The following PRKD2 variants were observed in gnomAD, a reference collection of about 807,000 sequenced individuals.
PRKD2 encodes the protein serine/threonine-protein kinase D2.
In PRKD2, 22 loss-of-function variants were observed where a neutral mutation model predicts 86.0. That is an observed-to-expected ratio of 0.26 (90% CI 0.18 to 0.37). The LOEUF is 0.37. Ranked by LOEUF, PRKD2 falls within the 10% of genes least tolerant of loss-of-function variation. PRKD2 has a pLI of 1.00. For synonymous variants in PRKD2, 509 were observed against 510.9 expected, an observed-to-expected ratio of 1.00 and a Z score of 0.05; for missense variants, 818 against 1,199.2, an observed-to-expected ratio of 0.68 and a Z score of 4.70.
At chr19:46,685,733 G>A (rs1018345015) in intron 14 of PRKD2, 3 of 152,234 alleles carry the variant, frequency 2.0e-5, no homozygotes, top group Non-Finnish European at 2.9e-5. Context: ...CAGATGACTT[G>A]AGGTCAGGAG....
intron 1 of PRKD2, among the ~76,000 whole-genome samples, chr19:46,715,564 A>C (rs1000923606): frequency 1.3e-5 from 2 of 152,148 alleles, no homozygotes; most frequent in African/African-American, 2.4e-5. Flanking sequence ...CAAAATTAAG[A>C]GTAGGCTAAC....
At chr19:46,712,626 G>T (rs893690489) in intron 2 of PRKD2, among the ~76,000 whole-genome samples, 2 of 152,232 alleles carry the variant, frequency 1.3e-5, no homozygotes, top group African/African-American at 4.8e-5. Context: ...AAATTCAAGT[G>T]AGGCCAGCTT....
chr19:46,716,150 C>G lies in PRKD2; in HGVS notation c.221G>C (p.Cys74Ser). The G allele has an allele frequency of 6.2e-7, 1 of 1,611,282 alleles. No individual in the cohort carries two copies. The highest frequency in any genetic ancestry group is 1.1e-5 in the South Asian group (1 of 91,070). Residue 74 changes from cysteine (C) to serine (S), a missense_variant, in exon 1 of 18, where the codon TGT (cysteine) becomes TCT (serine). This residue lies in a region of PRKD2 where 403 missense variants were observed against 518.6 expected (regional missense o/e 0.78). Coordinates refer to ENST00000291281, the MANE Select transcript of PRKD2 (RefSeq NM_016457.5). The surrounding 1 kb of genome is among the most constrained non-coding windows in gnomAD (Gnocchi z 7.9). ...CCTCACCTTCTGGTCCACGATGGAA[C>G]AGGCCAGCTGCTTCACATGAGCCAG... Reference protein sequence around the residue: ...SELAHVKQLACSIVDQKFPEC... With the variant: ...SELAHVKQLASSIVDQKFPEC...
At chr19:46,681,859 A>G (rs941734440) in intron 14 of PRKD2, 111 bp from the exon 15 acceptor site, 14 of 568,800 alleles carry the variant, frequency 2.5e-5, no homozygotes, top group Admixed American at 5.9e-5. Context: ...TTTTTTTTTG[A>G]GACAGAGTCT....
intron 9 of PRKD2, among the ~76,000 whole-genome samples, 156 bp downstream of exon 9, chr19:46,697,001 G>C (rs2122703224): frequency 6.6e-6 from 1 of 152,160 alleles, no homozygotes; most frequent in African/African-American, 2.4e-5. Flanking sequence ...AATCGGATGG[G>C]CAGCACTTGC....
At position 46,674,372 on chromosome 19, in the gene PRKD2, A is replaced by G; in HGVS notation, c.*151T>C. Reference sequence around the variant, plus strand: ...AGTCCGTTTTAATTGCTGGGGAAACAGGGAGGGGCCTTGGAAATAGCTCCC... The same window carrying G: ...AGTCCGTTTTAATTGCTGGGGAAACGGGGAGGGGCCTTGGAAATAGCTCCC... On this transcript the variant is annotated 3_prime_UTR_variant, in exon 18 of 18. Coordinates refer to ENST00000291281, the MANE Select transcript of PRKD2 (RefSeq NM_016457.5). 2.6e-6 allele frequency: 2 copies of G among 776,996 alleles called. No homozygotes were observed. 48.1% of individuals were successfully genotyped at this position (776,996 alleles called of 1,614,324 possible).
chr19:46,698,583 G>A (rs1195135463), intron 7 of PRKD2, among the ~76,000 whole-genome samples: 2 of 152,218 alleles, frequency 1.3e-5, no homozygotes, highest in African/African-American at 2.4e-5. Flanking sequence ...TGTGACACTG[G>A]GTAAGTGATT....
rs1411343007 is a variant in PRKD2, at chr19:46,713,993, C to A, written c.249G>T (p.Glu83Asp). 6.2e-7 allele frequency: 1 copy of A among 1,613,532 alleles called. No individual in the cohort carries two copies. The highest frequency in any genetic ancestry group is 2.2e-5 in the East Asian group (1 of 44,880). The change falls in exon 2 of 18, where the codon GAG becomes GAT. Residue 83 changes from glutamate to aspartate, a missense_variant. Physicochemically the swap from Glu to Asp is conservative, Grantham distance 45. Around this residue, in one of 5 missense-constraint regions of PRKD2, gnomAD observed 403 missense variants for 518.6 expected, o/e 0.78. Transcript: ENST00000291281. ...TGTCGTAAAGGCCGTAGAAGCCACA[C>A]TCAGGGAACTGAGGGGCGGGAGAGG... is the stretch of plus-strand genomic sequence containing the variant. ...ACSIVDQKFPECGFYGLYDKI... is the reference protein window; with the variant it reads ...ACSIVDQKFPDCGFYGLYDKI...
In PRKD2 at chr19:46,698,002, G is replaced by C; in HGVS notation, c.1122-152C>G. The C allele has an allele frequency of 4.6e-6, 3 of 650,796 alleles. No homozygotes were observed. In the South Asian group the frequency reaches 5.5e-5, roughly 12 times the overall value. 40.3% of individuals were successfully genotyped at this position (650,796 alleles called of 1,614,324 possible). On this transcript the variant is annotated intron_variant, in intron 7 of 17. Transcript: ENST00000291281. ...CATTTTCCCCCCAACACACACCCGG[G>C]AGTTGCTTTTTGTTTGTTTTTAAGA...
intron 3 of PRKD2, among the ~76,000 whole-genome samples, chr19:46,710,122 C>G: frequency 6.6e-6 from 1 of 152,092 alleles, no homozygotes; most frequent in Non-Finnish European, 1.5e-5. Flanking sequence ...GGGTCTCAAT[C>G]TCCTGACCTC....
chr19:46,679,261 C>T (rs1393981100), intron 15 of PRKD2, among the ~76,000 whole-genome samples: 1 of 152,044 alleles, frequency 6.6e-6, no homozygotes, highest in Non-Finnish European at 1.5e-5. Context: ...ACCTGGGAGG[C>T]AGAGGTTGCA....
rs75185364 is a variant in PRKD2, at chr19:46,689,684, G to A, written c.1824C>T (p.Pro608=). The A allele has an allele frequency of 2.1e-5, 34 of 1,613,930 alleles. No homozygotes were observed. Among genetic ancestry groups the A allele is most frequent in the South Asian group, 5.5e-5 (5 of 91,084 alleles). Residue 608 remains proline (P), a synonymous_variant, in exon 14 of 18, where the codon CCC becomes CCT. Coordinates refer to ENST00000291281, the MANE Select transcript of PRKD2 (RefSeq NM_016457.5). ...ACATGCACTCCAGGTTCACGATCCC[G>A]GGATGCCGCAGGCTCTGCAGGGTGG... is the stretch of plus-strand genomic sequence containing the variant. ...EVAILQSLRH[P]GIVNLECMFE...
At chr19:46,677,934 C>T (rs2053235059) in intron 16 of PRKD2, among the ~76,000 whole-genome samples, 1 of 152,294 alleles carries the variant, frequency 6.6e-6, no homozygotes. Context: ...GTAGCCATGC[C>T]CTTGTTTCTC....
Position 46,700,861 on chromosome 19 carries a change from G to A in PRKD2, c.1059C>T (p.Ser353=), listed in dbSNP as rs182315027. 4.1e-5 allele frequency: 66 copies of A among 1,614,114 alleles called. No individual in the cohort carries two copies. The Admixed American group carries it at 1.0e-3, about 25-fold the overall frequency. Residue 353 remains serine, a synonymous_variant, in exon 7 of 18, where the codon TCC becomes TCT. Transcript: ENST00000291281. ...TGGCGTGGAGCGCATTCTCTGAGTG[G>A]GAGCCAGGGATGACACCGGAGTCCT... ...ESEDSGVIPG[S]HSENALHASE... is the part of the protein sequence containing the mutation.
At chr19:46,700,738 A>G (rs542754346) in intron 7 of PRKD2, 61 bp downstream of exon 7, 71 of 1,557,854 alleles carry the variant, frequency 4.6e-5, no homozygotes, top group Non-Finnish European at 5.7e-5. Flanking sequence ...AGAAAAAGAA[A>G]TTGAGGTTCA....
Position 46,684,873 on chromosome 19 carries a change from G to A in PRKD2, c.1972-3125C>T, listed in dbSNP as rs544139838. Among the ~76,000 whole-genome samples the A allele has an allele frequency of 2.5e-4, 38 of 151,508 alleles. 1 individual carries two copies. The highest frequency in any genetic ancestry group is 6.8e-3 in the Middle Eastern group (2 of 292). ...AGCTACTCAGGAGGCTGAGGCAGGA[G>A]AATCATTTGAACCTGGGAGGCAGAG... On this transcript the variant is annotated intron_variant, in intron 14 of 17. Coordinates refer to ENST00000291281, the MANE Select transcript of PRKD2 (RefSeq NM_016457.5).
chr19:46,714,069 G>T, intron 1 of PRKD2, 68 bp from the exon 2 acceptor site: 2 of 1,577,230 alleles, frequency 1.3e-6, no homozygotes, highest in South Asian at 1.2e-5. Flanking sequence ...GGCGGACTGT[G>T]ACCCTCCCAG....
rs188285655 is a variant in PRKD2, at chr19:46,684,155, T to C, written c.1972-2407A>G. On this transcript the variant is annotated intron_variant, in intron 14 of 17. Transcript: ENST00000291281. ...AAAAAATCTTTTTGTAGAGATGGCA[T>C]CTCGCTATGTTGCCCAGGCTGGTCT... Among the ~76,000 whole-genome samples, 6 of 152,316 alleles carry C rather than the reference T, an allele frequency of 3.9e-5. No individual in the cohort carries two copies. The East Asian group carries it at 1.2e-3, about 29-fold the overall frequency.
At chr19:46,674,831 G>T (rs958283302) in intron 17 of PRKD2, 96 bp from the exon 18 acceptor site, 27 of 1,375,178 alleles carry the variant, frequency 2.0e-5, no homozygotes, top group Non-Finnish European at 2.6e-5. Flanking sequence ...ACCAATGAAG[G>T]TGAAGCCATA....
Sources: allele counts gnomAD v4.1 joint callset (sites outside exome capture counted in the v4.1 genomes callset), GRCh38; gene constraint gnomAD v4.1.1; regional missense constraint gnomAD v4.1.1; non-coding constraint Gnocchi (gnomAD v3.1); transcripts MANE v1.5; gene names NCBI Gene and HGNC (gene_info 2026-07-23, HGNC 2026-07-21).